CYSTM1: variants seen among roughly 807,000 people sequenced by gnomAD.
CYSTM1 encodes cysteine-rich transmembrane module-containing protein 1.
A neutral mutation model predicts 13.1 loss-of-function variants in CYSTM1; 4 were observed. That is an observed-to-expected ratio of 0.31 (90% confidence interval 0.15 to 0.70). CYSTM1 has a LOEUF of 0.70. CYSTM1 is among the 30% of genes least tolerant of loss of function. CYSTM1 has a pLI of 0.72. For missense variants in CYSTM1, 96 were observed against 121.6 expected, an observed-to-expected ratio of 0.79 and a Z score of 0.99; for synonymous variants, 36 against 42.7, an observed-to-expected ratio of 0.84 and a Z score of 0.62.
intron 2 of CYSTM1, among the ~76,000 whole-genome samples, chr5:140,237,955 G>GCCCTCA (rs1344140444): frequency 1.3e-5 from 2 of 152,144 alleles, no homozygotes; most frequent in Non-Finnish European, 2.9e-5. Flanking sequence ...AGCTCGGCAA[G>GCCCTCA]CCCTCACCCT....
chr5:140,188,372 G>C (rs1430887514), intron 1 of CYSTM1, among the ~76,000 whole-genome samples: 1 of 152,146 alleles, frequency 6.6e-6, no homozygotes, highest in Non-Finnish European at 1.5e-5. Flanking sequence ...ATAAGCATGA[G>C]CCCTGAGCCC....
In CYSTM1 at chr5:140,176,488, G is replaced by T. The variant is rs1386433432; in HGVS notation, c.-21+1203G>T. Among the ~76,000 whole-genome samples the T allele has an allele frequency of 2.0e-5, 3 of 152,124 alleles. No individual in the cohort carries two copies. In the East Asian group the frequency reaches 5.8e-4, roughly 29 times the overall value. ...CTTTTTATGAAAGGACCCACCCAAGGGCAGCTCATTTTCGAGTATCTCATT... is the reference window on the plus strand; with the variant it reads ...CTTTTTATGAAAGGACCCACCCAAGTGCAGCTCATTTTCGAGTATCTCATT... On this transcript the variant is annotated intron_variant, in intron 1 of 2. Coordinates refer to ENST00000261811, the MANE Select transcript of CYSTM1 (RefSeq NM_032412.4).
intron 2 of CYSTM1, among the ~76,000 whole-genome samples, chr5:140,214,449 G>A (rs1764405231): frequency 1.3e-5 from 2 of 152,218 alleles, no homozygotes; most frequent in Non-Finnish European, 2.9e-5. Flanking sequence ...TGGCTGATGG[G>A]ATGTGATCTG....
intron 1 of CYSTM1, among the ~76,000 whole-genome samples, chr5:140,187,633 G>A (rs967814870): frequency 6.6e-6 from 1 of 152,178 alleles, no homozygotes; most frequent in African/African-American, 2.4e-5. Flanking sequence ...CTCCCAAAGG[G>A]CCGGGATTAC....
At chr5:140,240,137 G>A (rs890528657) in intron 2 of CYSTM1, among the ~76,000 whole-genome samples, 2 of 151,944 alleles carry the variant, frequency 1.3e-5, no homozygotes, top group Non-Finnish European at 2.9e-5. Context: ...TGCTACCAAC[G>A]TGCCCAGAAA....
rs73254761 is a variant in CYSTM1 at position 140,204,622 on chromosome 5, G to T, written c.187+9970G>T. On this transcript the variant is annotated intron_variant, in intron 2 of 2. Coordinates refer to ENST00000261811, the MANE Select transcript of CYSTM1 (RefSeq NM_032412.4). The stretch of plus-strand genomic sequence containing the variant: ...CAGAGGTAAAGTGGAGTGCAATAAA[G>T]CTGGATTCAAATCTCATTAACACTA... Among the ~76,000 whole-genome samples the T allele has an allele frequency of 3.0e-4, 45 of 152,090 alleles. No individual in the cohort carries two copies. In the East Asian group the frequency reaches 7.9e-3, roughly 27 times the overall value.
chr5:140,239,507 C>T lies in CYSTM1; in HGVS notation c.188-3798C>T, dbSNP rs2126673509. On this transcript the variant is annotated intron_variant, in intron 2 of 2. Transcript: ENST00000261811. This position sits in a 1 kb window ranked among gnomAD's most constrained non-coding sequence, Gnocchi z 5.4. ...CCCAGGGCTTGTTGGACAGGCCTGGCATCGTCCATCTATCTTTTCTGCTTC... is the reference window on the plus strand; with the variant it reads ...CCCAGGGCTTGTTGGACAGGCCTGGTATCGTCCATCTATCTTTTCTGCTTC... Among the ~76,000 whole-genome samples, 1 of 152,302 alleles carries T rather than the reference C, an allele frequency of 6.6e-6. No homozygotes were observed. The highest frequency in any genetic ancestry group is 2.4e-5 in the African/African-American group (1 of 41,570).
In CYSTM1 at chr5:140,194,611, A is replaced by G. The variant is rs757047815; in HGVS notation, c.146A>G (p.Tyr49Cys). ...QGYPYQGYPQ[Y>C]GWQGGPQEPP... Reference sequence around the variant, plus strand: ...TACCCCTACCAAGGATACCCACAGTACGGCTGGCAGGGTGGACCTCAGGAG... The same window carrying G: ...TACCCCTACCAAGGATACCCACAGTGCGGCTGGCAGGGTGGACCTCAGGAG... Residue 49 changes from tyrosine (Y) to cysteine (C), a missense_variant, in exon 2 of 3, where the codon TAC becomes TGC. Physicochemically the swap from Tyr to Cys is radical, Grantham distance 194. Coordinates refer to ENST00000261811, the MANE Select transcript of CYSTM1 (RefSeq NM_032412.4). 1 of 1,613,476 alleles carries G rather than the reference A, an allele frequency of 6.2e-7. No homozygotes were observed. Among genetic ancestry groups the G allele is most frequent in the Non-Finnish European group, 8.5e-7 (1 of 1,179,678 alleles).
intron 2 of CYSTM1, among the ~76,000 whole-genome samples, chr5:140,222,468 C>T (rs960103132): frequency 6.6e-6 from 1 of 152,214 alleles, no homozygotes; most frequent in Non-Finnish European, 1.5e-5. Context: ...GGTTGTGAAA[C>T]TCTTGTCTTA....
intron 2 of CYSTM1, among the ~76,000 whole-genome samples, chr5:140,238,076 G>A (rs1764705324): frequency 6.6e-6 from 1 of 152,212 alleles, no homozygotes; most frequent in African/African-American, 2.4e-5. Flanking sequence ...GGGTGAGTTG[G>A]TTGGCCAGCT....
At chr5:140,195,349 A>G (rs1370605439) in intron 2 of CYSTM1, among the ~76,000 whole-genome samples, 1 of 152,144 alleles carries the variant, frequency 6.6e-6, no homozygotes, top group Non-Finnish European at 1.5e-5. Flanking sequence ...AAAGTAAAAC[A>G]TCTTGAGGAG....
intron 2 of CYSTM1, chr5:140,202,881 A>C (rs1422749952): frequency 1.3e-5 from 2 of 152,170 alleles, no homozygotes; most frequent in Non-Finnish European, 2.9e-5. Context: ...ATTGTCCTTG[A>C]AGATTTGATT....
chr5:140,199,913 A>G (rs576313552), intron 2 of CYSTM1, among the ~76,000 whole-genome samples: 2 of 152,324 alleles, frequency 1.3e-5, no homozygotes, highest in African/African-American at 4.8e-5. Context: ...GGACGCATAA[A>G]TGTCTTCTTT....
At chr5:140,226,586 TTATATATA>T (rs549334525) in intron 2 of CYSTM1, among the ~76,000 whole-genome samples, 3 of 75,312 alleles carry the variant, frequency 4.0e-5, no homozygotes, top group Non-Finnish European at 5.0e-5. Flanking sequence ...ATACTAAATA[TTATATATA>T]TATATATATA....
In CYSTM1 at chr5:140,194,484, C is replaced by A. The variant is rs1266609568; in HGVS notation, c.19C>A (p.Pro7Thr). The change falls in exon 2 of 3, where the codon CCA (proline) becomes ACA (threonine). Residue 7 changes from proline to threonine, a missense_variant. Transcript: ENST00000261811. MNQENP[P>T]PYPGPGPTAP... ...GTCCCCGATGAACCAAGAGAACCCT[C>A]CACCATATCCAGGCCCTGGTCCAAC... 6.2e-7 allele frequency: 1 copy of A among 1,600,206 alleles called. No individual in the cohort carries two copies. The highest frequency in any genetic ancestry group is 8.5e-7 in the Non-Finnish European group (1 of 1,176,196).
intron 2 of CYSTM1, among the ~76,000 whole-genome samples, chr5:140,238,099 C>T (rs950431261): frequency 5.3e-5 from 8 of 152,194 alleles, no homozygotes; most frequent in Non-Finnish European, 1.2e-4. Flanking sequence ...TGGTCTACTT[C>T]ACCTTGGAGT....
At chr5:140,241,907 G>C (rs1764754048) in intron 2 of CYSTM1, among the ~76,000 whole-genome samples, 1 of 152,254 alleles carries the variant, frequency 6.6e-6, no homozygotes, top group Non-Finnish European at 1.5e-5. Context: ...GCTTGCCAGA[G>C]GCTTTAGAGC....
At position 140,239,708 on chromosome 5, in the gene CYSTM1, T is replaced by G. The variant is rs904637070; in HGVS notation, c.188-3597T>G. ...CTGCACGTTCCCCACCCCACACTTG[T>G]GTTTGCATCCATGTGGCAAAGCTCT... On this transcript the variant is annotated intron_variant, in intron 2 of 2. Coordinates refer to ENST00000261811, the MANE Select transcript of CYSTM1 (RefSeq NM_032412.4). This position sits in a 1 kb window ranked among gnomAD's most constrained non-coding sequence, Gnocchi z 5.4. Among the ~76,000 whole-genome samples, 2 of 152,198 alleles carry G rather than the reference T, an allele frequency of 1.3e-5. No individual in the cohort carries two copies. Among genetic ancestry groups the G allele is most frequent in the African/African-American group, 4.8e-5 (2 of 41,458 alleles).
intron 1 of CYSTM1, among the ~76,000 whole-genome samples, chr5:140,176,417 A>T (rs1005682271): frequency 6.6e-6 from 1 of 152,264 alleles, no homozygotes; most frequent in Non-Finnish European, 1.5e-5. Flanking sequence ...AATATGATAC[A>T]TGTAAACTTT....
Sources: allele counts gnomAD v4.1 joint callset (sites outside exome capture counted in the v4.1 genomes callset), GRCh38; gene constraint gnomAD v4.1.1; non-coding constraint Gnocchi (gnomAD v3.1); transcripts MANE v1.5; gene names NCBI Gene and HGNC (gene_info 2026-07-23, HGNC 2026-07-21).